MRPS18B: variants seen among roughly 807,000 people sequenced by gnomAD.
MRPS18B encodes the protein small ribosomal subunit protein mS40.
MRPS18B carries 27 observed loss-of-function variants against 28.4 expected under a neutral mutation model. The ratio of observed to expected loss-of-function variants is 0.95; its 90% confidence interval spans 0.70 to 1.31. The LOEUF (loss-of-function observed/expected upper bound fraction) is 1.31, where lower values mean the gene tolerates loss of function less well. Among genes scored for constraint, MRPS18B ranks in the 40% most tolerant of loss-of-function variants. The probability of loss-of-function intolerance (pLI) is 0.00; values close to 1 mark genes in which losing one functional copy is unlikely to be tolerated. For synonymous variants in MRPS18B, 118 were observed against 123.7 expected (o/e 0.95, Z 0.30); for missense variants, 343 against 335.9 (o/e 1.02, Z -0.17).
rs1284985355 is a variant in MRPS18B at position 30,619,944 on chromosome 6, T to A, written c.309T>A (p.Asn103Lys). 6.2e-7 allele frequency: 1 copy of A among 1,614,092 alleles called. No homozygotes were observed. The highest frequency in any genetic ancestry group is 8.5e-7 in the Non-Finnish European group (1 of 1,180,030). ...TCIRRNKVVG[N>K]PCPICRDHKL... ...AGCGTCGGAATAAAGTTGTTGGGAA[T>A]CCCTGCCCCATCTGTCGAGATCACA... The change falls in exon 4 of 7, where the codon AAT becomes AAA. Residue 103 changes from asparagine (N) to lysine (K), a missense_variant. Transcript: ENST00000259873.
At position 30,624,925 on chromosome 6, in the gene MRPS18B, A is replaced by G. The variant is rs1349397884; in HGVS notation, c.464A>G (p.Gln155Arg). The G allele has an allele frequency of 2.5e-6, 4 of 1,613,000 alleles. No homozygotes were observed. The highest frequency in any genetic ancestry group is 3.4e-6 in the Non-Finnish European group (4 of 1,180,012). ...CACAAGCGGTTGACCCAGGCCATCCAGAAAGCCAGGGATCATGGTGAGCAT... is the reference window on the plus strand; with the variant it reads ...CACAAGCGGTTGACCCAGGCCATCCGGAAAGCCAGGGATCATGGTGAGCAT... ...KQHKRLTQAI[Q>R]KARDHGLLIY... The change falls in exon 6 of 7, where the codon CAG becomes CGG. Residue 155 changes from glutamine to arginine, a missense_variant. Transcript: ENST00000259873.
intron 1 of MRPS18B, among the ~76,000 whole-genome samples, chr6:30,618,260 A>G (rs548616515): frequency 3.9e-4 from 59 of 152,270 alleles, no homozygotes; most frequent in African/African-American, 1.4e-3. Flanking sequence ...TTAAGGGGCC[A>G]TGCTAATCTC....
In MRPS18B at chr6:30,619,801, T is replaced by C. The variant is rs1434898484; in HGVS notation, c.280T>C (p.Cys94Arg). The change falls in exon 3 of 7, where the codon TGT becomes CGT. Residue 94 changes from cysteine (C) to arginine (R), a missense_variant. Physicochemically the swap from Cys to Arg is radical, Grantham distance 180 (BLOSUM62 -3). Coordinates refer to ENST00000259873, the MANE Select transcript of MRPS18B (RefSeq NM_014046.4). ...ACCCCCACAGCGGACTCGGAAGACA[T>C]GTATTGTGAGTTTCTGAGAGTGGGA... ...GVPPQRTRKT[C>R]IRRNKVVGNP... The C allele has an allele frequency of 5.0e-6, 8 of 1,614,070 alleles. No homozygotes were observed. In the East Asian group the frequency reaches 8.9e-5, roughly 18 times the overall value.
chr6:30,620,598 C>G (rs1481700892), intron 4 of MRPS18B, among the ~76,000 whole-genome samples: 1 of 150,954 alleles, frequency 6.6e-6, no homozygotes, highest in Admixed American at 6.6e-5. Context: ...GAGACGGAGT[C>G]TTACTCTGTT....
At chr6:30,620,798 GACCTTGTGACCC>G (rs1451983970) in intron 4 of MRPS18B, among the ~76,000 whole-genome samples, 9 of 152,032 alleles carry the variant, frequency 5.9e-5, no homozygotes, top group Non-Finnish European at 1.2e-4. Flanking sequence ...TCAAACTCCT[GACCTTGTGACCC>G]ACCCGCCTCG....
intron 4 of MRPS18B, among the ~76,000 whole-genome samples, chr6:30,620,566 G>T (rs911260999): frequency 6.6e-6 from 1 of 151,642 alleles, no homozygotes; most frequent in African/African-American, 2.4e-5. Flanking sequence ...GCAGGTAAGA[G>T]AAATGGCTGT....
chr6:30,625,730 A>G lies in MRPS18B; in HGVS notation c.710A>G (p.Lys237Arg), dbSNP rs1323533692. ...ESGPPPESMPKMPPRTPAEAS... is the reference protein window; with the variant it reads ...ESGPPPESMPRMPPRTPAEAS... Reference sequence around the variant, plus strand: ...GGCCCCCCACCTGAGTCAATGCCCAAGATGCCCCCTAGAACACCAGCGGAA... The same window carrying G: ...GGCCCCCCACCTGAGTCAATGCCCAGGATGCCCCCTAGAACACCAGCGGAA... The change falls in exon 7 of 7, where the codon AAG becomes AGG. Residue 237 changes from lysine to arginine, a missense_variant. Transcript: ENST00000259873. The G allele has an allele frequency of 1.9e-6, 3 of 1,613,098 alleles. No individual in the cohort carries two copies. Among genetic ancestry groups the G allele is most frequent in the African/African-American group, 2.7e-5 (2 of 75,060 alleles).
chr6:30,626,179 C>G lies in MRPS18B; in HGVS notation c.*382C>G, dbSNP rs2127472216. 1 of 215,936 alleles carries G rather than the reference C, an allele frequency of 4.6e-6. No homozygotes were observed. 13.4% of individuals were successfully genotyped at this position (215,936 alleles called of 1,614,324 possible). On this transcript the variant is annotated 3_prime_UTR_variant, in exon 7 of 7. Coordinates refer to ENST00000259873, the MANE Select transcript of MRPS18B (RefSeq NM_014046.4). ...TAGGTTTATGTGATGGGATATCACC[C>G]TGAAGAGTTGTGTCTTTTGTGGCCA... is the stretch of plus-strand genomic sequence containing the variant.
In MRPS18B at chr6:30,619,739, T is replaced by C; in HGVS notation, c.218T>C (p.Val73Ala). 2 of 1,614,204 alleles carry C rather than the reference T, an allele frequency of 1.2e-6. No individual in the cohort carries two copies. Among genetic ancestry groups the C allele is most frequent in the Non-Finnish European group, 1.7e-6 (2 of 1,180,038 alleles). The change falls in exon 3 of 7, where the codon GTC becomes GCC. Residue 73 changes from valine to alanine, a missense_variant. By Grantham distance (64) the Val-to-Ala change is moderately conservative. Transcript: ENST00000259873. ...CAGGAGCGATATGGTTCTCGCCCCG[T>C]CTGGGCTGACTACCGCCGCAACCAC... is the stretch of plus-strand genomic sequence containing the variant. ...EYQERYGSRP[V>A]WADYRRNHKG...
At chr6:30,623,169 G>A (rs538373132) in intron 5 of MRPS18B, among the ~76,000 whole-genome samples, 1 of 152,166 alleles carries the variant, frequency 6.6e-6, no homozygotes, top group African/African-American at 2.4e-5. Flanking sequence ...GGGAGTTCGA[G>A]ACCAGCCTGA....
intron 1 of MRPS18B, among the ~76,000 whole-genome samples, chr6:30,619,140 T>C (rs1265152450): frequency 6.6e-6 from 1 of 152,200 alleles, no homozygotes; most frequent in African/African-American, 2.4e-5. Context: ...ATGGTCTCGA[T>C]GTCTTGACCT....
chr6:30,624,627 G>C (rs1290921836), intron 5 of MRPS18B, among the ~76,000 whole-genome samples: 1 of 152,086 alleles, frequency 6.6e-6, no homozygotes, highest in Non-Finnish European at 1.5e-5. Context: ...TGTTCTCCCT[G>C]TCTTGGAGGT....
In MRPS18B at chr6:30,625,583, C is replaced by T. The variant is rs760424313; in HGVS notation, c.563C>T (p.Pro188Leu). 1.6e-5 allele frequency: 25 copies of T among 1,610,708 alleles called. No individual in the cohort carries two copies. Among genetic ancestry groups the T allele is most frequent in the African/African-American group, 5.3e-5 (4 of 74,868 alleles). Residue 188 changes from proline to leucine, a missense_variant, in exon 7 of 7, where the codon CCG becomes CTG. Physicochemically the swap from Pro to Leu is moderately conservative, Grantham distance 98 (BLOSUM62 -3). Coordinates refer to ENST00000259873, the MANE Select transcript of MRPS18B (RefSeq NM_014046.4). ...STSHGAVSAT[P>L]PAPTLVSGDP... is the part of the protein sequence containing the mutation. ...TCTCATGGGGCTGTGAGTGCTACTC[C>T]GCCAGCCCCCACCCTGGTCTCAGGT...
rs773923118 is a variant in MRPS18B at position 30,622,912 on chromosome 6, C to A, written c.421+14C>A. On this transcript the variant is annotated intron_variant, in intron 5 of 6. Transcript: ENST00000259873. ...CTCCATACACAGGTTAGCCCATCAT[C>A]CCTGCACCACCAGAGAGCTTTTCCT... 1 of 1,611,374 alleles carries A rather than the reference C, an allele frequency of 6.2e-7. No homozygotes were observed. The highest frequency in any genetic ancestry group is 2.2e-5 in the East Asian group (1 of 44,880).
rs759454468 is a variant in MRPS18B, at chr6:30,625,763, C to G, written c.743C>G (p.Ser248Cys). The change falls in exon 7 of 7, where the codon TCC becomes TGC. Residue 248 changes from serine (S) to cysteine (C), a missense_variant. By Grantham distance (112) the Ser-to-Cys change is moderately radical. Transcript: ENST00000259873. ...CCTAGAACACCAGCGGAAGCCTCCTCCACTGGGCAGACAGGCCCTCAGAGT... is the reference window on the plus strand; with the variant it reads ...CCTAGAACACCAGCGGAAGCCTCCTGCACTGGGCAGACAGGCCCTCAGAGT... ...MPPRTPAEASSTGQTGPQSAL is the reference protein window; with the variant it reads ...MPPRTPAEASCTGQTGPQSAL The G allele has an allele frequency of 1.9e-6, 3 of 1,612,786 alleles. No homozygotes were observed. Among genetic ancestry groups the G allele is most frequent in the South Asian group, 2.2e-5 (2 of 91,076 alleles).
rs750755136 is a variant in MRPS18B at position 30,617,889 on chromosome 6, C to G, written c.24C>G (p.Thr8=). The G allele has an allele frequency of 3.1e-6, 5 of 1,614,054 alleles. No individual in the cohort carries two copies. Among genetic ancestry groups the G allele is most frequent in the Non-Finnish European group, 4.2e-6 (5 of 1,180,054 alleles). MAASVLN[T]VLRRLPMLSL... is the part of the protein sequence containing the mutation. ...AGATGGCGGCGTCTGTATTAAACAC[C>G]GTGCTGAGGCGGCTTCCTATGCTAT... The change falls in exon 1 of 7, where the codon ACC becomes ACG. Residue 8 remains threonine, a synonymous_variant. Transcript: ENST00000259873.
rs771779781 is a variant in MRPS18B, at chr6:30,617,922, C to A, written c.57C>A (p.Phe19Leu). 1.9e-6 allele frequency: 3 copies of A among 1,614,186 alleles called. No homozygotes were observed. The highest frequency in any genetic ancestry group is 2.5e-6 in the Non-Finnish European group (3 of 1,180,014). Residue 19 changes from phenylalanine to leucine, a missense_variant, in exon 1 of 7, where the codon TTC (phenylalanine) becomes TTA (leucine). Coordinates refer to ENST00000259873, the MANE Select transcript of MRPS18B (RefSeq NM_014046.4). ...VLRRLPMLSL[F>L]RGSHRVQVPL... ...GGCGGCTTCCTATGCTATCTCTCTT[C>A]CGAGGTTCTCACAGAGTTCAGGTAA... is the stretch of plus-strand genomic sequence containing the variant.
chr6:30,619,617 GA>G lies in MRPS18B; in HGVS notation c.187+19del, dbSNP rs1368963007. ...GAATCAGAAGGTACCTCTAAAGGGGGAAAGGGAGGGTCAGATAGGATTTGAG... is the reference window on the plus strand; with the variant it reads ...GAATCAGAAGGTACCTCTAAAGGGGGAAGGGAGGGTCAGATAGGATTTGAG... On this transcript the variant is annotated intron_variant, in intron 2 of 6. Coordinates refer to ENST00000259873, the MANE Select transcript of MRPS18B (RefSeq NM_014046.4). 2 of 1,610,542 alleles carry G rather than the reference GA, an allele frequency of 1.2e-6. No homozygotes were observed. Among genetic ancestry groups the G allele is most frequent in the South Asian group, 1.1e-5 (1 of 91,040 alleles).
chr6:30,625,518 C>G lies in MRPS18B; in HGVS notation c.498C>G (p.His166Gln). The G allele has an allele frequency of 6.4e-7, 1 of 1,565,992 alleles. No homozygotes were observed. The highest frequency in any genetic ancestry group is 8.7e-7 in the Non-Finnish European group (1 of 1,149,924). ...KARDHGLLIY[H>Q]IPQVEPRDLD... ...ATCCCTTAGGTCTCCTCATTTACCA[C>G]ATCCCCCAGGTTGAACCACGGGACC... Residue 166 changes from histidine (H) to glutamine (Q), a missense_variant, in exon 7 of 7, where the codon CAC becomes CAG. By Grantham distance (24) the His-to-Gln change is conservative. Coordinates refer to ENST00000259873, the MANE Select transcript of MRPS18B (RefSeq NM_014046.4).
Sources: allele counts gnomAD v4.1 joint callset (sites outside exome capture counted in the v4.1 genomes callset), GRCh38; gene constraint gnomAD v4.1.1; transcripts MANE v1.5; gene names NCBI Gene and HGNC (gene_info 2026-07-23, HGNC 2026-07-21).